Variants in PSMD14 observed in about 807,000 individuals in gnomAD.
PSMD14 encodes the protein ubiquitin C-terminal hydrolase PSMD14.
Under a neutral mutation model 41.2 loss-of-function variants are expected in PSMD14, and 7 were observed. That is an observed-to-expected ratio of 0.17 (90% CI 0.10 to 0.32). PSMD14 has a LOEUF of 0.32. Among genes scored for constraint, PSMD14 ranks in the 10% least tolerant of loss-of-function variants. The pLI is 1.00. For missense variants in PSMD14, 139 were observed against 375.6 expected (o/e 0.37, Z 5.21); for synonymous variants, 114 against 122.3 (o/e 0.93, Z 0.45).
At chr2:161,401,501 A>G (rs1683877286) in intron 10 of PSMD14, among the ~76,000 whole-genome samples, 1 of 152,210 alleles carries the variant, frequency 6.6e-6, no homozygotes, top group South Asian at 2.1e-4. Flanking sequence ...GGTCATTGAT[A>G]CCTTTAGTAA....
At chr2:161,407,052 A>G (rs1683956914) in intron 10 of PSMD14, among the ~76,000 whole-genome samples, 1 of 152,124 alleles carries the variant, frequency 6.6e-6, no homozygotes, top group Admixed American at 6.6e-5. Context: ...TCCTTCCAAT[A>G]CTGTAGTAAG....
chr2:161,322,056 G>T (rs991933925), intron 3 of PSMD14, among the ~76,000 whole-genome samples: 1 of 152,152 alleles, frequency 6.6e-6, no homozygotes, highest in Non-Finnish European at 1.5e-5. Context: ...TGGTCTTTAT[G>T]TTGATCAGCC....
chr2:161,365,579 T>A (rs1287881282), intron 3 of PSMD14, among the ~76,000 whole-genome samples: 1 of 152,180 alleles, frequency 6.6e-6, no homozygotes, highest in Non-Finnish European at 1.5e-5. Flanking sequence ...AGATACCAGT[T>A]TAACTTCTTT....
chr2:161,392,382 C>T (rs947158298), intron 9 of PSMD14, among the ~76,000 whole-genome samples: 1 of 152,138 alleles, frequency 6.6e-6, no homozygotes, highest in Non-Finnish European at 1.5e-5. Flanking sequence ...CAAACTGTTT[C>T]TCACCAAGGT....
At chr2:161,313,575 T>C (rs1339475308) in intron 1 of PSMD14, among the ~76,000 whole-genome samples, 2 of 152,176 alleles carry the variant, frequency 1.3e-5, no homozygotes, top group Admixed American at 6.5e-5. Flanking sequence ...GTCTCGAGCT[T>C]CTGACCTCAA....
chr2:161,391,341 T>C (rs1035728983), intron 9 of PSMD14, among the ~76,000 whole-genome samples, 163 bp downstream of exon 9: 31 of 152,188 alleles, frequency 2.0e-4, no homozygotes, highest in African/African-American at 6.5e-4. Flanking sequence ...GAATATTTTA[T>C]TGGACTATTT....
intron 8 of PSMD14, among the ~76,000 whole-genome samples, chr2:161,390,381 A>G (rs1031986162): frequency 6.6e-5 from 10 of 152,078 alleles, no homozygotes; most frequent in African/African-American, 2.4e-4. Flanking sequence ...GTACTGTTGA[A>G]CCTCATTTGA....
chr2:161,401,398 A>C (rs1249952323), intron 10 of PSMD14, among the ~76,000 whole-genome samples: 2 of 152,240 alleles, frequency 1.3e-5, no homozygotes, highest in Non-Finnish European at 2.9e-5. Context: ...TTCAAGGGTC[A>C]ACTGTACATC....
At chr2:161,344,120 G>C (rs1262284312) in intron 3 of PSMD14, among the ~76,000 whole-genome samples, 3 of 146,542 alleles carry the variant, frequency 2.0e-5, no homozygotes, top group South Asian at 2.4e-4. Flanking sequence ...GGTGCGGGGG[G>C]GTGGGGAGCG....
At chr2:161,337,330 A>C (rs1682884753) in intron 3 of PSMD14, among the ~76,000 whole-genome samples, 1 of 152,226 alleles carries the variant, frequency 6.6e-6, no homozygotes. Flanking sequence ...CTAAATATTA[A>C]AAGATGTTTA....
Position 161,411,273 on chromosome 2 carries a change from T to G in PSMD14, c.835-29T>G, listed in dbSNP as rs375728637. On this transcript the variant is annotated intron_variant, in intron 11 of 11. Coordinates refer to ENST00000409682, the MANE Select transcript of PSMD14 (RefSeq NM_005805.6). The stretch of plus-strand genomic sequence containing the variant: ...TTATCTACCAGTAATATGGTTCTGT[T>G]TTCTCTTTCCTCATTTTTGTTCTTT... 7.3e-6 allele frequency: 11 copies of G among 1,503,300 alleles called. No individual in the cohort carries two copies. In the East Asian group the frequency reaches 2.3e-4, roughly 32 times the overall value. The allele number at this position is 1,503,300 out of a possible 1,614,324, so 93.1% of individuals were successfully genotyped here. A position where few individuals can be genotyped will look rare whatever the true frequency, so the allele number is the denominator to read the frequency against.
chr2:161,310,619 C>G (rs1414942696), intron 1 of PSMD14, among the ~76,000 whole-genome samples: 1 of 152,150 alleles, frequency 6.6e-6, no homozygotes, highest in East Asian at 1.9e-4. Flanking sequence ...AGAATAGCAA[C>G]GACAACATTT....
chr2:161,360,042 T>A (rs1393229437), intron 3 of PSMD14, among the ~76,000 whole-genome samples: 2 of 152,052 alleles, frequency 1.3e-5, no homozygotes, highest in African/African-American at 4.8e-5. Context: ...TTGAAAAAAA[T>A]AAACAAAAAA....
rs183923869 is a variant in PSMD14, at chr2:161,368,710, G to C, written c.240+807G>C. On this transcript the variant is annotated intron_variant, in intron 5 of 11. Transcript: ENST00000409682. ...TTTGCTAGGCAATATTTCTCTTACT[G>C]AGCCTTGTAAAAGAAGGATTAAAGA... Among the ~76,000 whole-genome samples, 5 of 152,042 alleles carry C rather than the reference G, an allele frequency of 3.3e-5. No homozygotes were observed. The East Asian group carries it at 9.6e-4, about 29-fold the overall frequency.
intron 7 of PSMD14, among the ~76,000 whole-genome samples, chr2:161,373,333 G>T (rs1683464558): frequency 1.3e-5 from 2 of 151,748 alleles, no homozygotes; most frequent in Admixed American, 6.6e-5. Flanking sequence ...TATCATTGAT[G>T]ATTTGTATCA....
intron 3 of PSMD14, among the ~76,000 whole-genome samples, chr2:161,331,284 A>T (rs1465528757): frequency 1.3e-5 from 2 of 149,568 alleles, no homozygotes; most frequent in Non-Finnish European, 3.0e-5. Context: ...TATTTTTAAG[A>T]CGGAGTCTCA....
intron 5 of PSMD14, 118 bp downstream of exon 5, chr2:161,368,021 A>G: frequency 2.5e-6 from 3 of 1,202,322 alleles, no homozygotes; most frequent in Non-Finnish European, 3.4e-6. Flanking sequence ...AAAATTAATC[A>G]TAAGTTTGAT....
intron 3 of PSMD14, among the ~76,000 whole-genome samples, chr2:161,323,284 T>TA (rs1682637888): frequency 1.3e-5 from 2 of 152,196 alleles, no homozygotes; most frequent in Admixed American, 1.3e-4. Flanking sequence ...CATTAGTTTT[T>TA]ATCATGCTGT....
In PSMD14 at chr2:161,326,475, G is replaced by C. The variant is rs2105234247; in HGVS notation, c.48+7602G>C. ...GATGGTAGAAATGTAAAATGGTACAGATAATATGGAAAACATTATTATTCC... is the reference window on the plus strand; with the variant it reads ...GATGGTAGAAATGTAAAATGGTACACATAATATGGAAAACATTATTATTCC... On this transcript the variant is annotated intron_variant, in intron 3 of 11. Transcript: ENST00000409682. 1.3e-5 allele frequency among the ~76,000 whole-genome samples: 2 copies of C among 152,302 alleles called. 1 individual carries two copies. The highest frequency in any genetic ancestry group is 6.8e-3 in the Middle Eastern group (2 of 294).
Sources: allele counts gnomAD v4.1 joint callset (sites outside exome capture counted in the v4.1 genomes callset), GRCh38; gene constraint gnomAD v4.1.1; transcripts MANE v1.5; gene names NCBI Gene and HGNC (gene_info 2026-07-23, HGNC 2026-07-21).